The following XKR6 variants were observed in gnomAD, a reference collection of about 807,000 sequenced individuals.
XKR6 encodes the protein XK-related protein 6.
A neutral mutation model predicts 56.7 loss-of-function variants in XKR6; 22 were observed. The ratio of observed to expected loss-of-function variants is 0.39; its 90% CI spans 0.28 to 0.55. The LOEUF (loss-of-function observed/expected upper bound fraction) is 0.55. Among genes scored for constraint, XKR6 ranks in the 20% least tolerant of loss-of-function variants. The pLI is 0.66. For synonymous variants in XKR6, 524 were observed against 387.8 expected, an observed-to-expected ratio of 1.35 and a Z score of -4.13; for missense variants, 852 against 889.0, an observed-to-expected ratio of 0.96 and a Z score of 0.53.
At chr8:10,982,989 G>A (rs1031203415) in intron 1 of XKR6, among the ~76,000 whole-genome samples, 3 of 152,236 alleles carry the variant, frequency 2.0e-5, no homozygotes, top group African/African-American at 7.2e-5. Flanking sequence ...TCTTATTTGT[G>A]AAATGAAGGC....
intron 1 of XKR6, among the ~76,000 whole-genome samples, chr8:11,093,764 G>A (rs1048781496): frequency 7.9e-5 from 12 of 151,712 alleles, no homozygotes; most frequent in Non-Finnish European, 1.3e-4. Context: ...TATACTTCAG[G>A]GTCTTTACAT....
At chr8:10,962,835 C>T (rs930115424) in intron 1 of XKR6, among the ~76,000 whole-genome samples, 11 of 152,122 alleles carry the variant, frequency 7.2e-5, no homozygotes, top group African/African-American at 2.4e-4. Context: ...ATTGGTCAGG[C>T]TGGTCTCGAA....
Position 11,201,367 on chromosome 8 carries a change from TGGGGGGGAGGGACGGCGGGGGG to T in XKR6, c.-50_-29del. ...TGACTCTCTTCCCAGCTCCGGAGGT[TGGGGGGGAGGGACGGCGGGGGG>T]GGGGGGAAGAAGGCAGGGAACGGGG... On this transcript the variant is annotated 5_prime_UTR_variant, in exon 1 of 3. Coordinates refer to ENST00000416569, the MANE Select transcript of XKR6 (RefSeq NM_173683.4). 3.0e-6 allele frequency: 1 copy of T among 331,628 alleles called. No homozygotes were observed. Among genetic ancestry groups the T allele is most frequent in the Non-Finnish European group, 3.9e-6 (1 of 254,004 alleles). The allele number at this position is 331,628 out of a possible 1,614,324, so 20.5% of individuals were successfully genotyped here.
At chr8:10,933,538 G>A (rs1394246220) in intron 1 of XKR6, among the ~76,000 whole-genome samples, 2 of 122,498 alleles carry the variant, frequency 1.6e-5, no homozygotes, top group African/African-American at 3.6e-5. Context: ...TAGGTCTAAC[G>A]TTTAAATCTT....
intron 1 of XKR6, among the ~76,000 whole-genome samples, chr8:11,013,758 G>A (rs1459468400): frequency 6.6e-6 from 1 of 152,150 alleles, no homozygotes; most frequent in Non-Finnish European, 1.5e-5. Context: ...CCCATGTTTG[G>A]CAGAATGAAT....
At chr8:10,950,746 A>G (rs1261625311) in intron 1 of XKR6, among the ~76,000 whole-genome samples, 1 of 152,244 alleles carries the variant, frequency 6.6e-6, no homozygotes, top group African/African-American at 2.4e-5. Flanking sequence ...CAAGCACCAC[A>G]GGCCCTTGGC....
chr8:11,101,739 C>T (rs1798493180), intron 1 of XKR6, among the ~76,000 whole-genome samples: 1 of 152,218 alleles, frequency 6.6e-6, no homozygotes, highest in Non-Finnish European at 1.5e-5. Flanking sequence ...CCTCCGTGAT[C>T]TGCATTCTAA....
rs1381194017 is a variant in XKR6 at position 10,987,361 on chromosome 8, G to C, written c.765-62531C>G. On this transcript the variant is annotated intron_variant, in intron 1 of 2. Transcript: ENST00000416569. ...GCAGAATCATTATCAATTTACAGTT[G>C]AGAAAAATGGGAAGCTATTCTTTCT... 1.3e-5 allele frequency among the ~76,000 whole-genome samples: 2 copies of C among 152,184 alleles called. 1 individual carries two copies. Among genetic ancestry groups the C allele is most frequent in the Admixed American group, 1.3e-4 (2 of 15,286 alleles).
chr8:11,038,251 T>C (rs910180485), intron 1 of XKR6, among the ~76,000 whole-genome samples: 7 of 152,198 alleles, frequency 4.6e-5, no homozygotes, highest in African/African-American at 1.7e-4. Context: ...GTGTAGGATT[T>C]AATTTGAGAA....
chr8:11,198,908 C>A (rs1357144467), intron 1 of XKR6, among the ~76,000 whole-genome samples: 1 of 151,942 alleles, frequency 6.6e-6, no homozygotes, highest in Admixed American at 6.6e-5. Context: ...AAACAACCCC[C>A]AGCCCCCGCC....
At chr8:10,947,811 C>T (rs1586341183) in intron 1 of XKR6, among the ~76,000 whole-genome samples, 2 of 152,216 alleles carry the variant, frequency 1.3e-5, no homozygotes, top group African/African-American at 4.8e-5. Flanking sequence ...TTGCTCAGTT[C>T]TTCCCTCATT....
intron 1 of XKR6, among the ~76,000 whole-genome samples, chr8:11,078,443 G>A (rs1347715447): frequency 1.3e-5 from 2 of 152,204 alleles, no homozygotes. Context: ...CATTCTGCCT[G>A]TGTGTTCCCC....
Position 11,036,040 on chromosome 8 carries a change from C to T in XKR6, c.765-111210G>A, listed in dbSNP as rs538323611. Among the ~76,000 whole-genome samples, 206 of 146,916 alleles carry T rather than the reference C, an allele frequency of 1.4e-3. 1 individual carries two copies. The highest frequency in any genetic ancestry group is 0.011 in the Middle Eastern group (3 of 280). On this transcript the variant is annotated intron_variant, in intron 1 of 2. Coordinates refer to ENST00000416569, the MANE Select transcript of XKR6 (RefSeq NM_173683.4). ...CTCACTGCAGCCCTGACCTCCTGGG[C>T]TCAAGCAATCCTCCTGCCTCAGCCT...
chr8:11,136,941 A>T (rs1348916707), intron 1 of XKR6: 1 of 152,220 alleles, frequency 6.6e-6, no homozygotes, highest in Non-Finnish European at 1.5e-5. Flanking sequence ...TTCTACAATG[A>T]CCCACCACAT....
At chr8:10,909,788 C>A (rs936402357) in intron 2 of XKR6, among the ~76,000 whole-genome samples, 1 of 152,140 alleles carries the variant, frequency 6.6e-6, no homozygotes, top group East Asian at 1.9e-4. Flanking sequence ...TGTTTCAGTG[C>A]GTCAGACATT....
chr8:11,117,965 T>C (rs1799260876), intron 1 of XKR6, among the ~76,000 whole-genome samples: 1 of 147,452 alleles, frequency 6.8e-6, no homozygotes, highest in African/African-American at 2.5e-5. Flanking sequence ...ATACCGAGAG[T>C]GTGGGGGACC....
intron 1 of XKR6, among the ~76,000 whole-genome samples, chr8:11,106,862 A>AAT (rs948157768): frequency 2.7e-5 from 4 of 149,980 alleles, no homozygotes; most frequent in South Asian, 2.1e-4. Flanking sequence ...AAAAAAAAAA[A>AAT]AAATAAAAAA....
chr8:11,112,675 T>G (rs1324758463), intron 1 of XKR6, among the ~76,000 whole-genome samples: 6 of 152,174 alleles, frequency 3.9e-5, no homozygotes, highest in African/African-American at 1.4e-4. Flanking sequence ...GAGTGCACAC[T>G]GGTTTTTCTT....
chr8:10,954,380 G>C (rs890038517), intron 1 of XKR6, among the ~76,000 whole-genome samples: 4 of 152,212 alleles, frequency 2.6e-5, no homozygotes, highest in African/African-American at 7.2e-5. Flanking sequence ...TGGTATCACA[G>C]TGTGGTTTTG....
Sources: allele counts gnomAD v4.1 joint callset (sites outside exome capture counted in the v4.1 genomes callset), GRCh38; gene constraint gnomAD v4.1.1; transcripts MANE v1.5; gene names NCBI Gene and HGNC (gene_info 2026-07-23, HGNC 2026-07-21).